Variants in FREM2 observed in about 807,000 individuals in gnomAD.
FREM2 encodes the protein FRAS1 related extracellular matrix 2.
A neutral mutation model predicts 219.9 loss-of-function variants in FREM2; 119 were observed. The ratio of observed to expected loss-of-function variants is 0.54; its 90% CI spans 0.47 to 0.63. The LOEUF is 0.63. Among genes scored for constraint, FREM2 ranks in the 30% least tolerant of loss-of-function variants. The pLI, the probability that FREM2 is intolerant of heterozygous loss-of-function variation, is 0.00. For missense variants in FREM2, 4,030 were observed against 3,993.6 expected (o/e 1.01, Z -0.25); for synonymous variants, 1,562 against 1,522.8 (o/e 1.03, Z -0.60).
chr13:38,736,473 A>G (rs2137774238), intron 2 of FREM2, among the ~76,000 whole-genome samples: 1 of 152,360 alleles, frequency 6.6e-6, no homozygotes, highest in South Asian at 2.1e-4. Context: ...ATTTCATTAT[A>G]AGATTTTATG....
At chr13:38,752,911 G>A (rs1872837103) in intron 2 of FREM2, among the ~76,000 whole-genome samples, 1 of 152,164 alleles carries the variant, frequency 6.6e-6, no homozygotes, top group Admixed American at 6.5e-5. Flanking sequence ...GGGGTGCGGG[G>A]AGAAGTCTGG....
At chr13:38,744,203 C>CTTTTTTTTT (rs11308232) in intron 2 of FREM2, among the ~76,000 whole-genome samples, 1 of 51,712 alleles carries the variant, frequency 1.9e-5, no homozygotes, top group Non-Finnish European at 3.4e-5. Flanking sequence ...GAGGTAAATC[C>CTTTTTTTTT]TTTTTTTTTT....
At chr13:38,740,278 AT>A (rs1280011695) in intron 2 of FREM2, among the ~76,000 whole-genome samples, 1 of 152,154 alleles carries the variant, frequency 6.6e-6, no homozygotes. Context: ...TTTATACTGT[AT>A]TTTCATGTTC....
intron 4 of FREM2, among the ~76,000 whole-genome samples, chr13:38,775,178 A>G (rs1191722156): frequency 6.6e-6 from 1 of 152,244 alleles, no homozygotes; most frequent in Non-Finnish European, 1.5e-5. Flanking sequence ...ACATAGGCTG[A>G]CTACAATATG....
chr13:38,766,639 C>T (rs1302602916), intron 3 of FREM2, among the ~76,000 whole-genome samples: 4 of 152,092 alleles, frequency 2.6e-5, no homozygotes, highest in Non-Finnish European at 4.4e-5. Flanking sequence ...GCTAAGAAAC[C>T]ATGAATTACT....
At chr13:38,870,584 T>C (rs188501063) in intron 16 of FREM2, among the ~76,000 whole-genome samples, 78 of 152,288 alleles carry the variant, frequency 5.1e-4, no homozygotes, top group Middle Eastern at 6.8e-3. Context: ...TTGAAGAAGG[T>C]AGGTGATCTA....
At chr13:38,750,858 G>T (rs1872722253) in intron 2 of FREM2, among the ~76,000 whole-genome samples, 1 of 151,992 alleles carries the variant, frequency 6.6e-6, no homozygotes, top group African/African-American at 2.4e-5. Context: ...ACACCCAACT[G>T]ATTTTTGTAC....
Position 38,861,458 on chromosome 13 carries a change from T to A in FREM2, c.7547T>A (p.Val2516Asp). 1 of 1,572,910 alleles carries A rather than the reference T, an allele frequency of 6.4e-7. No homozygotes were observed. The highest frequency in any genetic ancestry group is 8.7e-7 in the Non-Finnish European group (1 of 1,148,484). Residue 2516 changes from valine to aspartate, a missense_variant, in exon 15 of 24, where the codon GTT becomes GAT. This residue lies in a region of FREM2 where 928 missense variants were observed against 1,042.9 expected (regional missense o/e 0.89). Coordinates refer to ENST00000280481, the MANE Select transcript of FREM2 (RefSeq NM_207361.6). Reference sequence around the variant, plus strand: ...CTTTGTCAGCCCCGTGTACCTGGGGTTGTTGGAGCAGAGCCGTTCTCAGCT... The same window carrying A: ...CTTTGTCAGCCCCGTGTACCTGGGGATGTTGGAGCAGAGCCGTTCTCAGCT... ...EGLCQPRVPG[V>D]VGAEPFSAKL... is the part of the protein sequence containing the mutation.
At chr13:38,789,977 A>T (rs936183308) in intron 6 of FREM2, among the ~76,000 whole-genome samples, 8 of 152,098 alleles carry the variant, frequency 5.3e-5, no homozygotes, top group African/African-American at 1.9e-4. Flanking sequence ...ATGAGATTTT[A>T]TATGTAGAAA....
intron 6 of FREM2, among the ~76,000 whole-genome samples, chr13:38,839,103 C>T (rs1298867699): frequency 1.3e-5 from 2 of 152,140 alleles, no homozygotes; most frequent in Admixed American, 1.3e-4. Context: ...GATTTATCTA[C>T]CTTTGGTCTT....
chr13:38,848,649 A>G lies in FREM2; in HGVS notation c.6358A>G (p.Ile2120Val). The change falls in exon 8 of 24, where the codon ATA becomes GTA. Residue 2120 changes from isoleucine (I) to valine (V), a missense_variant. Ile to Val is a conservative substitution (Grantham distance 29, BLOSUM62 3). Transcript: ENST00000280481. Reference protein sequence around the residue: ...LGEPSKATVSINDSVSDLPKM... With the variant: ...LGEPSKATVSVNDSVSDLPKM... ...CGAGCCCAGCAAAGCCACAGTGTCC[A>G]TAAATGACTCTGTCTCCGATTGTGA... The G allele has an allele frequency of 6.2e-7, 1 of 1,613,092 alleles. No homozygotes were observed. The highest frequency in any genetic ancestry group is 8.5e-7 in the Non-Finnish European group (1 of 1,179,074).
chr13:38,732,124 A>G (rs1194446683), intron 2 of FREM2, among the ~76,000 whole-genome samples: 1 of 152,252 alleles, frequency 6.6e-6, no homozygotes, highest in Non-Finnish European at 1.5e-5. Flanking sequence ...TTAATAGTAA[A>G]GATGCATAAT....
chr13:38,857,448 CA>C (rs1204225375), intron 12 of FREM2, among the ~76,000 whole-genome samples: 9 of 152,212 alleles, frequency 5.9e-5, no homozygotes, highest in Non-Finnish European at 8.8e-5. Context: ...TCCAGGCTCA[CA>C]CTATCCCATG....
chr13:38,869,959 G>A lies in FREM2; in HGVS notation c.7984-2783G>A, dbSNP rs546858440. On this transcript the variant is annotated intron_variant, in intron 16 of 23. Coordinates refer to ENST00000280481, the MANE Select transcript of FREM2 (RefSeq NM_207361.6). Reference sequence around the variant, plus strand: ...TCCCATTTGTTTACAGGTAAACAGCGACTGATAACATCGTTCAGTGTGCAT... The same window carrying A: ...TCCCATTTGTTTACAGGTAAACAGCAACTGATAACATCGTTCAGTGTGCAT... 2.8e-4 allele frequency among the ~76,000 whole-genome samples: 42 copies of A among 152,278 alleles called. 1 individual carries two copies. The highest frequency in any genetic ancestry group is 8.5e-4 in the Admixed American group (13 of 15,294).
chr13:38,759,941 G>A (rs1873163438), intron 2 of FREM2, among the ~76,000 whole-genome samples: 1 of 152,178 alleles, frequency 6.6e-6, no homozygotes, highest in African/African-American at 2.4e-5. Flanking sequence ...CAAGGTCACA[G>A]TTTTAGTAAA....
chr13:38,708,683 G>A (rs1870637711), intron 2 of FREM2, among the ~76,000 whole-genome samples: 1 of 152,020 alleles, frequency 6.6e-6, no homozygotes. Flanking sequence ...TTTAAAAAAA[G>A]TCTTTCCTCC....
At chr13:38,737,986 A>G (rs1183224890) in intron 2 of FREM2, among the ~76,000 whole-genome samples, 1 of 152,186 alleles carries the variant, frequency 6.6e-6, no homozygotes, top group Non-Finnish European at 1.5e-5. Flanking sequence ...GTAGAAAGCC[A>G]TTGAAGAAAG....
intron 2 of FREM2, among the ~76,000 whole-genome samples, chr13:38,725,710 T>C (rs2138113660): frequency 6.6e-6 from 1 of 152,318 alleles, no homozygotes; most frequent in East Asian, 1.9e-4. Context: ...TCTCTTCCAC[T>C]TAAAGTTTTC....
At position 38,729,486 on chromosome 13, in the gene FREM2, A is replaced by G. The variant is rs570861604; in HGVS notation, c.5263+31699A>G. On this transcript the variant is annotated intron_variant, in intron 2 of 23. Transcript: ENST00000280481. ...TTAAGATTGTGATTTTTTTATTTTCATAATTATCACTAAATTCTTGACCTA... is the reference window on the plus strand; with the variant it reads ...TTAAGATTGTGATTTTTTTATTTTCGTAATTATCACTAAATTCTTGACCTA... Among the ~76,000 whole-genome samples, 6 of 152,310 alleles carry G rather than the reference A, an allele frequency of 3.9e-5. No homozygotes were observed. In the South Asian group the frequency reaches 1.2e-3, roughly 32 times the overall value.
Sources: allele counts gnomAD v4.1 joint callset (sites outside exome capture counted in the v4.1 genomes callset), GRCh38; gene constraint gnomAD v4.1.1; regional missense constraint gnomAD v4.1.1; transcripts MANE v1.5; gene names NCBI Gene and HGNC (gene_info 2026-07-23, HGNC 2026-07-21).